SEMA6D: variants seen among roughly 807,000 people sequenced by gnomAD.
SEMA6D encodes semaphorin 6D.
Under a neutral mutation model 106.6 loss-of-function variants are expected in SEMA6D, and 35 were observed. That is an observed-to-expected ratio of 0.33 (90% CI 0.25 to 0.44). The LOEUF (loss-of-function observed/expected upper bound fraction) is 0.44. Among genes scored for constraint, SEMA6D ranks in the 20% least tolerant of loss-of-function variants. The pLI is 1.00. For synonymous variants in SEMA6D, 499 were observed against 487.7 expected, an observed-to-expected ratio of 1.02 and a Z score of -0.31; for missense variants, 1,185 against 1,345.9, an observed-to-expected ratio of 0.88 and a Z score of 1.87.
intron 1 of SEMA6D, among the ~76,000 whole-genome samples, chr15:47,411,778 A>G (rs1187687218): frequency 3.3e-5 from 5 of 152,052 alleles, no homozygotes; most frequent in Non-Finnish European, 1.5e-5. Context: ...CTGTGTGGCC[A>G]CTTCCGGGTT....
intron 1 of SEMA6D, among the ~76,000 whole-genome samples, chr15:47,237,886 A>G (rs1300210670): frequency 6.6e-6 from 1 of 152,098 alleles, no homozygotes; most frequent in Admixed American, 6.6e-5. Flanking sequence ...TGACTTAAGC[A>G]CAACAAAACT....
At chr15:47,604,822 G>A (rs1011518664) in intron 4 of SEMA6D, among the ~76,000 whole-genome samples, 1 of 150,542 alleles carries the variant, frequency 6.6e-6, no homozygotes, top group Non-Finnish European at 1.5e-5. Context: ...TCAGTCTCCC[G>A]AGTAGCTGGG....
At chr15:47,276,512 CTGTT>C (rs1377981694) in intron 1 of SEMA6D, among the ~76,000 whole-genome samples, 1 of 152,158 alleles carries the variant, frequency 6.6e-6, no homozygotes, top group African/African-American at 2.4e-5. Flanking sequence ...TAACTCTGCT[CTGTT>C]TGTGCTCTAT....
At chr15:47,251,869 A>G (rs2033527643) in intron 1 of SEMA6D, among the ~76,000 whole-genome samples, 1 of 150,340 alleles carries the variant, frequency 6.7e-6, no homozygotes, top group African/African-American at 2.4e-5. Flanking sequence ...CCTCTTCAGT[A>G]AGTATCTGTT....
At chr15:47,199,316 C>T (rs1202111211) in intron 1 of SEMA6D, among the ~76,000 whole-genome samples, 2 of 152,118 alleles carry the variant, frequency 1.3e-5, no homozygotes, top group Non-Finnish European at 2.9e-5. Context: ...AACTGCAATT[C>T]CTGTGAATTC....
intron 4 of SEMA6D, among the ~76,000 whole-genome samples, chr15:47,632,286 T>C (rs1201580567): frequency 6.6e-6 from 1 of 152,028 alleles, no homozygotes; most frequent in Non-Finnish European, 1.5e-5. Context: ...TCTGCTGTTT[T>C]GGGATAGAGT....
intron 1 of SEMA6D, among the ~76,000 whole-genome samples, chr15:47,358,128 A>G (rs1422436703): frequency 6.6e-6 from 1 of 152,136 alleles, no homozygotes; most frequent in Admixed American, 6.5e-5. Context: ...AAGGCAGATG[A>G]TGCTGTTCCC....
At chr15:47,434,275 T>C (rs190276205) in intron 2 of SEMA6D, among the ~76,000 whole-genome samples, 2 of 152,094 alleles carry the variant, frequency 1.3e-5, no homozygotes, top group African/African-American at 4.8e-5. Flanking sequence ...CGGACAGAAA[T>C]GAGCAGGAAG....
intron 2 of SEMA6D, among the ~76,000 whole-genome samples, chr15:47,439,898 G>A (rs984419899): frequency 1.3e-5 from 2 of 152,084 alleles, no homozygotes; most frequent in Non-Finnish European, 2.9e-5. Context: ...CATTTGAAAA[G>A]CATTTCAGGC....
chr15:47,189,509 A>C (rs550045965), intron 1 of SEMA6D, among the ~76,000 whole-genome samples: 180 of 152,060 alleles, frequency 1.2e-3, no homozygotes, highest in South Asian at 4.6e-3. Context: ...GAGAAAAAAA[A>C]CCCCAAAAAC....
intron 2 of SEMA6D, among the ~76,000 whole-genome samples, chr15:47,440,314 A>G (rs1442316484): frequency 1.8e-5 from 1 of 54,804 alleles, no homozygotes; most frequent in Non-Finnish European, 2.8e-5. Context: ...AAGCCAAACA[A>G]AATGACAGTG....
intron 2 of SEMA6D, among the ~76,000 whole-genome samples, chr15:47,416,414 T>C (rs1489075539): frequency 1.3e-5 from 2 of 152,090 alleles, no homozygotes; most frequent in African/African-American, 4.8e-5. Context: ...CCAAAGAGAA[T>C]TAAGATGAGA....
chr15:47,419,401 G>A (rs1385413292), intron 2 of SEMA6D, among the ~76,000 whole-genome samples: 1 of 152,066 alleles, frequency 6.6e-6, no homozygotes, highest in African/African-American at 2.4e-5. Context: ...AATAAGGATA[G>A]TATTAGAGAA....
At chr15:47,693,628 G>A (rs909330533) in intron 4 of SEMA6D, among the ~76,000 whole-genome samples, 1 of 152,028 alleles carries the variant, frequency 6.6e-6, no homozygotes, top group Non-Finnish European at 1.5e-5. Context: ...GGGGACCCCA[G>A]ATCAATTAAA....
chr15:47,259,318 G>T (rs1345509217), intron 1 of SEMA6D, among the ~76,000 whole-genome samples: 5 of 152,148 alleles, frequency 3.3e-5, no homozygotes, highest in Admixed American at 6.5e-5. Context: ...GTTTAAAGAA[G>T]TTATTTTAGC....
At chr15:47,594,862 G>A (rs182947860) in intron 3 of SEMA6D, among the ~76,000 whole-genome samples, 62 of 152,288 alleles carry the variant, frequency 4.1e-4, no homozygotes, top group Non-Finnish European at 1.8e-4. Context: ...CAGGTGAAAA[G>A]GTTGGAAGAA....
At chr15:47,659,105 GAAAC>G (rs2077864328) in intron 4 of SEMA6D, among the ~76,000 whole-genome samples, 1 of 152,034 alleles carries the variant, frequency 6.6e-6, no homozygotes, top group Middle Eastern at 3.4e-3. Context: ...TTAAATTAGA[GAAAC>G]AAAATCTAAA....
intron 4 of SEMA6D, among the ~76,000 whole-genome samples, chr15:47,633,136 C>G (rs2077321764): frequency 6.6e-6 from 1 of 151,976 alleles, no homozygotes; most frequent in Non-Finnish European, 1.5e-5. Context: ...TTTGCTTCAG[C>G]CAGCCTGTAA....
chr15:47,607,223 TC>T, intron 4 of SEMA6D, among the ~76,000 whole-genome samples: 1 of 152,220 alleles, frequency 6.6e-6, no homozygotes, highest in Non-Finnish European at 1.5e-5. Context: ...ACTTCCCCAG[TC>T]AGTCACCACA....
Sources: gnomAD v4.1 joint callset for allele counts (sites outside exome capture counted in the v4.1 genomes callset) on GRCh38, gnomAD v4.1.1 for gene constraint, MANE v1.5 for transcripts, NCBI Gene and HGNC (gene_info 2026-07-23, HGNC 2026-07-21) for gene names.